LGSN: variants seen among roughly 807,000 people sequenced by gnomAD.
LGSN encodes lengsin, lens protein with glutamine synthetase domain.
LGSN carries 21 observed loss-of-function variants against 19.5 expected under a neutral mutation model. The ratio of observed to expected loss-of-function variants is 1.07; its 90% confidence interval spans 0.76 to 1.55. The LOEUF (loss-of-function observed/expected upper bound fraction) is 1.55. Among genes scored for constraint, LGSN ranks in the 40% most tolerant of loss-of-function variants. The probability of loss-of-function intolerance (pLI) is 0.00; values close to 1 mark genes in which losing one functional copy is unlikely to be tolerated. For synonymous variants in LGSN, 257 were observed against 215.6 expected (o/e 1.19, Z -1.68); for missense variants, 673 against 608.5 (o/e 1.11, Z -1.12).
chr6:63,502,520 A>G, the LGSN span, among the ~76,000 whole-genome samples: 1 of 152,228 alleles, frequency 6.6e-6, no homozygotes, highest in African/African-American at 2.4e-5. Flanking sequence ...CATTAAAAAG[A>G]AAGTTAATAT....
chr6:63,338,533 G>C, the LGSN span, among the ~76,000 whole-genome samples: 2 of 152,088 alleles, frequency 1.3e-5, no homozygotes, highest in Non-Finnish European at 2.9e-5. Context: ...TATTTCTGTA[G>C]TATCAGTCGT....
the LGSN span, among the ~76,000 whole-genome samples, chr6:63,542,633 C>G: frequency 6.6e-6 from 1 of 152,240 alleles, no homozygotes; most frequent in East Asian, 1.9e-4. Flanking sequence ...CTCCTTGGCG[C>G]TTCACATAGT....
At chr6:63,479,075 A>G in the LGSN span, among the ~76,000 whole-genome samples, 1 of 152,248 alleles carries the variant, frequency 6.6e-6, no homozygotes, top group Non-Finnish European at 1.5e-5. Flanking sequence ...GTCTGGAGAC[A>G]GGAGTCCATT....
In LGSN at chr6:63,280,127, G is replaced by C. The variant is rs761586040; in HGVS notation, c.1424C>G (p.Ala475Gly). 1.2e-6 allele frequency: 2 copies of C among 1,614,186 alleles called. No homozygotes were observed. The highest frequency in any genetic ancestry group is 1.7e-6 in the Non-Finnish European group (2 of 1,180,032). ...ALEEDQCLRQALGETFIRYFV... is the reference protein window; with the variant it reads ...ALEEDQCLRQGLGETFIRYFV... ...ATATCGAATAAAGGTTTCTCCTAGAGCCTGTCTCAGGCATTGATCTTCTTC... is the reference window on the plus strand; with the variant it reads ...ATATCGAATAAAGGTTTCTCCTAGACCCTGTCTCAGGCATTGATCTTCTTC... Residue 475 changes from alanine (A) to glycine (G), a missense_variant, in exon 4 of 4, where the codon GCT becomes GGT. Ala to Gly is a moderately conservative substitution (Grantham distance 60). Coordinates refer to ENST00000370657, the MANE Select transcript of LGSN (RefSeq NM_016571.3).
At chr6:63,536,011 G>A in the LGSN span, among the ~76,000 whole-genome samples, 2 of 151,494 alleles carry the variant, frequency 1.3e-5, no homozygotes, top group African/African-American at 4.8e-5. Flanking sequence ...GACATCAGGT[G>A]ATCCACCCAC....
At chr6:63,463,127 G>A in the LGSN span, among the ~76,000 whole-genome samples, 4 of 152,140 alleles carry the variant, frequency 2.6e-5, no homozygotes, top group African/African-American at 9.7e-5. Flanking sequence ...GTTGTGTAAC[G>A]TTGGCAAATA....
At chr6:63,407,428 C>A in the LGSN span, among the ~76,000 whole-genome samples, 1 of 152,150 alleles carries the variant, frequency 6.6e-6, no homozygotes, top group African/African-American at 2.4e-5. Context: ...ATGACAAAAA[C>A]CACATGATTT....
the LGSN span, among the ~76,000 whole-genome samples, chr6:63,461,780 G>A: frequency 1.3e-5 from 2 of 152,212 alleles, no homozygotes; most frequent in Admixed American, 6.5e-5. Flanking sequence ...TATTCCAAAT[G>A]TGTTGCTTCC....
chr6:63,559,791 A>G, the LGSN span, among the ~76,000 whole-genome samples: 2 of 152,056 alleles, frequency 1.3e-5, no homozygotes, highest in Admixed American at 1.3e-4. Context: ...ATGGTCGTTC[A>G]TGCATATAAT....
the LGSN span, chr6:63,549,242 G>A: frequency 1.4e-6 from 1 of 740,268 alleles, no homozygotes; most frequent in Non-Finnish European, 2.5e-6. Flanking sequence ...CAGCTGTTTG[G>A]TGGTCCAGGG....
At chr6:63,417,083 CA>C in the LGSN span, among the ~76,000 whole-genome samples, 1 of 152,100 alleles carries the variant, frequency 6.6e-6, no homozygotes. Context: ...TGGCACCCTA[CA>C]AACCACAGTT....
intron 1 of LGSN, among the ~76,000 whole-genome samples, chr6:63,318,617 G>T (rs1458343199): frequency 6.6e-6 from 1 of 152,108 alleles, no homozygotes; most frequent in Non-Finnish European, 1.5e-5. Context: ...TGAGAATTGT[G>T]CAGTTTAAAA....
chr6:63,544,946 C>A, the LGSN span, among the ~76,000 whole-genome samples: 2 of 152,118 alleles, frequency 1.3e-5, no homozygotes, highest in Non-Finnish European at 2.9e-5. Flanking sequence ...TATATAAATA[C>A]CATATTGCAT....
chr6:63,450,798 G>A, the LGSN span, among the ~76,000 whole-genome samples: 26 of 151,720 alleles, frequency 1.7e-4, no homozygotes, highest in African/African-American at 6.1e-4. Context: ...TCAGCCACCT[G>A]AGTAGCTGGG....
chr6:63,355,426 A>G, the LGSN span, among the ~76,000 whole-genome samples: 1 of 152,214 alleles, frequency 6.6e-6, no homozygotes, highest in Non-Finnish European at 1.5e-5. Flanking sequence ...CAAAAAGAGT[A>G]CATCCTATGC....
chr6:63,284,796 T>C (rs1037924104), intron 3 of LGSN, among the ~76,000 whole-genome samples: 1 of 152,206 alleles, frequency 6.6e-6, no homozygotes, highest in African/African-American at 2.4e-5. Flanking sequence ...GTTAGAATTA[T>C]TTAAAAAGAG....
intron 1 of LGSN, among the ~76,000 whole-genome samples, chr6:63,299,403 G>A (rs751108948): frequency 2.6e-5 from 4 of 152,068 alleles, no homozygotes; most frequent in Middle Eastern, 3.2e-3. Context: ...TCTTAACTGG[G>A]CATTTATCCA....
chr6:63,566,672 G>T, the LGSN span, among the ~76,000 whole-genome samples: 1 of 152,214 alleles, frequency 6.6e-6, no homozygotes, highest in African/African-American at 2.4e-5. Flanking sequence ...GATGGCAGCT[G>T]ACTGATCAGG....
intron 1 of LGSN, among the ~76,000 whole-genome samples, chr6:63,299,526 T>C (rs1768104653): frequency 6.6e-6 from 1 of 152,212 alleles, no homozygotes; most frequent in Non-Finnish European, 1.5e-5. Context: ...AAGTCATCCT[T>C]TTAGAAGTGA....
Sources: gnomAD v4.1 joint callset for allele counts (sites outside exome capture counted in the v4.1 genomes callset) on GRCh38, gnomAD v4.1.1 for gene constraint, MANE v1.5 for transcripts, NCBI Gene and HGNC (gene_info 2026-07-23, HGNC 2026-07-21) for gene names.